TXLNB: variants seen among roughly 807,000 people sequenced by gnomAD.
TXLNB encodes beta-taxilin.
Under a neutral mutation model 57.4 loss-of-function variants are expected in TXLNB, and 37 were observed. The ratio of observed to expected loss-of-function variants is 0.64; its 90% CI spans 0.50 to 0.85. The LOEUF (loss-of-function observed/expected upper bound fraction) is 0.85, where lower values mean the gene tolerates loss of function less well. TXLNB is among the 40% of genes least tolerant of loss of function. The pLI, the probability that TXLNB is intolerant of heterozygous loss-of-function variation, is 0.00. For missense variants in TXLNB, 848 were observed against 825.6 expected, an observed-to-expected ratio of 1.03 and a Z score of -0.33; for synonymous variants, 302 against 309.6, an observed-to-expected ratio of 0.98 and a Z score of 0.26.
In TXLNB at chr6:139,244,618, C is replaced by A. The variant is rs760270920; in HGVS notation, c.1243G>T (p.Ala415Ser). The change falls in exon 9 of 10, where the codon GCT (alanine) becomes TCT (serine). Residue 415 changes from alanine to serine, a missense_variant. Transcript: ENST00000358430. ...ACCTCTTCAATCATGTCCAACAGAGCTTTGTTACAGTTCTCAAATCGGGCT... is the reference window on the plus strand; with the variant it reads ...ACCTCTTCAATCATGTCCAACAGAGATTTGTTACAGTTCTCAAATCGGGCT... ...WKARFENCNK[A>S]LLDMIEEKAL... is the part of the protein sequence containing the mutation. 5.6e-6 allele frequency: 9 copies of A among 1,613,684 alleles called. No homozygotes were observed. The South Asian group carries it at 8.8e-5, about 16-fold the overall frequency.
upstream of TXLNB, among the ~76,000 whole-genome samples, chr6:139,295,002 T>G (rs546736831): frequency 5.3e-5 from 8 of 151,628 alleles, no homozygotes; most frequent in Non-Finnish European, 1.0e-4. Context: ...AAAAAAAAAA[T>G]TCCATTGTTT....
At chr6:139,301,943 C>T in the TXLNB span, among the ~76,000 whole-genome samples, 2 of 151,854 alleles carry the variant, frequency 1.3e-5, no homozygotes, top group Non-Finnish European at 2.9e-5. Flanking sequence ...TATTACAAGT[C>T]CTTAGAATTA....
At chr6:139,181,414 T>C in the TXLNB span, among the ~76,000 whole-genome samples, 1 of 152,222 alleles carries the variant, frequency 6.6e-6, no homozygotes, top group Admixed American at 6.5e-5. Flanking sequence ...TGCCATCCTG[T>C]TGAGCAGGCG....
Position 139,242,785 on chromosome 6 carries a change from G to A in TXLNB, c.1796C>T (p.Ala599Val). The A allele has an allele frequency of 6.2e-7, 1 of 1,614,152 alleles. No individual in the cohort carries two copies. ...QCEGLPVGAQ[A>V]DQASWKPEAE... ...CTCTGGCTTCCAGGACGCCTGATCA[G>A]CCTGTGCTCCAACAGGGAGACCCTC... The change falls in exon 10 of 10, where the codon GCT becomes GTT. Residue 599 changes from alanine to valine, a missense_variant. Physicochemically the swap from Ala to Val is moderately conservative, Grantham distance 64. Transcript: ENST00000358430.
chr6:139,197,294 G>A, the TXLNB span, among the ~76,000 whole-genome samples: 26 of 152,262 alleles, frequency 1.7e-4, no homozygotes, highest in East Asian at 2.3e-3. Context: ...CTAACATCCT[G>A]TATATTATAT....
chr6:139,225,294 A>G, the TXLNB span, among the ~76,000 whole-genome samples: 1 of 152,188 alleles, frequency 6.6e-6, no homozygotes, highest in Non-Finnish European at 1.5e-5. Flanking sequence ...GTATCACCAT[A>G]AACATTCAAA....
chr6:139,236,276 G>A (rs1186374004), downstream of TXLNB, among the ~76,000 whole-genome samples: 4 of 152,056 alleles, frequency 2.6e-5, no homozygotes, highest in African/African-American at 4.8e-5. Context: ...TGTAACACAC[G>A]TCCACTGGGG....
the TXLNB span, among the ~76,000 whole-genome samples, chr6:139,232,414 A>G: frequency 6.6e-6 from 1 of 152,192 alleles, no homozygotes; most frequent in Non-Finnish European, 1.5e-5. Flanking sequence ...ACAGAGCCAA[A>G]CCATATTATA....
chr6:139,201,204 T>C, the TXLNB span, among the ~76,000 whole-genome samples: 1 of 152,216 alleles, frequency 6.6e-6, no homozygotes, highest in African/African-American at 2.4e-5. Context: ...TTTAAAGAGT[T>C]GTCCAATTTC....
chr6:139,320,001 T>A, the TXLNB span, among the ~76,000 whole-genome samples: 1 of 152,306 alleles, frequency 6.6e-6, no homozygotes, highest in South Asian at 2.1e-4. Flanking sequence ...CATATATATA[T>A]AAATAACTGA....
chr6:139,289,734 T>C (rs1777263534), intron 1 of TXLNB, among the ~76,000 whole-genome samples: 1 of 152,234 alleles, frequency 6.6e-6, no homozygotes, highest in African/African-American at 2.4e-5. Context: ...TGTATAATTC[T>C]ATGTAGATTA....
chr6:139,160,541 G>A, the TXLNB span, among the ~76,000 whole-genome samples: 2 of 152,180 alleles, frequency 1.3e-5, no homozygotes, highest in African/African-American at 4.8e-5. Flanking sequence ...AGCCTCCTGA[G>A]TAGCTGGGAC....
At chr6:139,289,968 T>G (rs980823429) in intron 1 of TXLNB, among the ~76,000 whole-genome samples, 7 of 152,232 alleles carry the variant, frequency 4.6e-5, no homozygotes, top group African/African-American at 1.7e-4. Context: ...AGGAGACATT[T>G]CTCACTTTTC....
chr6:139,303,408 G>T, the TXLNB span, among the ~76,000 whole-genome samples: 1 of 152,076 alleles, frequency 6.6e-6, no homozygotes, highest in African/African-American at 2.4e-5. Context: ...AACATTCCAT[G>T]ATATATTAGG....
At chr6:139,264,543 T>G (rs557580206) in intron 4 of TXLNB, among the ~76,000 whole-genome samples, 16 of 150,674 alleles carry the variant, frequency 1.1e-4, no homozygotes, top group African/African-American at 4.0e-4. Flanking sequence ...ATATATATAT[T>G]TTTTGTTTTG....
the TXLNB span, chr6:139,179,802 A>G: frequency 1.3e-5 from 2 of 152,236 alleles, no homozygotes; most frequent in African/African-American, 4.8e-5. Flanking sequence ...CTAAAAGGAT[A>G]TTAGTTACCC....
At chr6:139,288,300 G>A (rs897101752) in intron 2 of TXLNB, among the ~76,000 whole-genome samples, 176 bp downstream of exon 2, 3 of 152,174 alleles carry the variant, frequency 2.0e-5, no homozygotes, top group Admixed American at 6.5e-5. Flanking sequence ...ACACTGAAAA[G>A]TTCACCTGAG....
the TXLNB span, among the ~76,000 whole-genome samples, chr6:139,165,525 C>T: frequency 6.6e-6 from 1 of 151,526 alleles, no homozygotes; most frequent in Non-Finnish European, 1.5e-5. Context: ...GGAATAGATT[C>T]ACTTCCCTAA....
At chr6:139,166,216 T>C in the TXLNB span, 4 of 1,251,302 alleles carry the variant, frequency 3.2e-6, no homozygotes, top group South Asian at 1.4e-5. Context: ...ACCATACTGT[T>C]GCAAGTACAG....
Sources: allele counts gnomAD v4.1 joint callset (sites outside exome capture counted in the v4.1 genomes callset), GRCh38; gene constraint gnomAD v4.1.1; transcripts MANE v1.5; gene names NCBI Gene and HGNC (gene_info 2026-07-23, HGNC 2026-07-21).